Variants in CSMD1 observed in about 807,000 individuals in gnomAD.
CSMD1 encodes the protein CUB and Sushi multiple domains 1, also known as CUB and sushi domain-containing protein 1.
A neutral mutation model predicts 417.5 loss-of-function variants in CSMD1; 213 were observed. The observed-to-expected ratio is 0.51, with a 90% CI of 0.46 to 0.57. The LOEUF is 0.57. CSMD1 is among the 20% of genes least tolerant of loss of function. The pLI, the probability that CSMD1 is intolerant of heterozygous loss-of-function variation, is 0.00. For synonymous variants in CSMD1, 2,862 were observed against 1,736.8 expected (o/e 1.65, Z -16.11); for missense variants, 6,923 against 4,529.7 (o/e 1.53, Z -15.17).
intron 26 of CSMD1, among the ~76,000 whole-genome samples, chr8:3,255,572 C>T (rs1019478527): frequency 2.6e-5 from 4 of 152,198 alleles, no homozygotes; most frequent in Non-Finnish European, 4.4e-5. Context: ...CAATGGTGGA[C>T]GCCCCTCTCC....
At chr8:2,939,112 A>T (rs1021738038) in intron 69 of CSMD1, among the ~76,000 whole-genome samples, 4 of 152,154 alleles carry the variant, frequency 2.6e-5, no homozygotes, top group Non-Finnish European at 5.9e-5. Context: ...TCAAAGATTT[A>T]CTTATGCTTC....
At chr8:4,157,044 A>G (rs911256921) in intron 3 of CSMD1, among the ~76,000 whole-genome samples, 2 of 152,178 alleles carry the variant, frequency 1.3e-5, no homozygotes, top group Non-Finnish European at 2.9e-5. Context: ...TATGCACACA[A>G]GGAGCCTGTA....
At position 2,962,477 on chromosome 8, in the gene CSMD1, G is replaced by T; in HGVS notation, c.9617C>A (p.Pro3206His). ...QADGTWSGIQ[P>H]TCIDPAHNTC... is the part of the protein sequence containing the mutation. ...ATGATAATTATTACCAATGCAGGTGGGTTGTATGCCGCTCCACGTGCCGTC... is the reference window on the plus strand; with the variant it reads ...ATGATAATTATTACCAATGCAGGTGTGTTGTATGCCGCTCCACGTGCCGTC... The change falls in exon 61 of 70, where the codon CCC becomes CAC. Residue 3206 changes from proline to histidine, a missense_variant. Pro to His is a moderately conservative substitution (Grantham distance 77). Coordinates refer to ENST00000635120, the MANE Select transcript of CSMD1 (RefSeq NM_033225.6). The T allele has an allele frequency of 6.2e-7, 1 of 1,613,400 alleles. No homozygotes were observed. The highest frequency in any genetic ancestry group is 8.5e-7 in the Non-Finnish European group (1 of 1,179,480).
intron 1 of CSMD1, among the ~76,000 whole-genome samples, chr8:4,820,455 T>C (rs914076471): frequency 6.6e-6 from 1 of 152,134 alleles, no homozygotes. Context: ...TCTGCACTGG[T>C]TTTCCTGTCA....
At chr8:4,526,598 T>C (rs1018196447) in intron 2 of CSMD1, among the ~76,000 whole-genome samples, 8 of 152,260 alleles carry the variant, frequency 5.3e-5, no homozygotes, top group African/African-American at 1.7e-4. Flanking sequence ...ACACTGATCA[T>C]GTCTCTTTCA....
At chr8:3,289,884 G>C (rs1318425765) in intron 25 of CSMD1, among the ~76,000 whole-genome samples, 1 of 147,518 alleles carries the variant, frequency 6.8e-6, no homozygotes, top group Non-Finnish European at 1.5e-5. Context: ...TGGCATTTTA[G>C]ACATGAAGTC....
chr8:4,864,487 T>C (rs1318837552), intron 1 of CSMD1, among the ~76,000 whole-genome samples: 1 of 151,884 alleles, frequency 6.6e-6, no homozygotes, highest in African/African-American at 2.4e-5. Flanking sequence ...AGAAACCCTA[T>C]AACATTGTTT....
At chr8:3,104,819 T>G (rs1170666477) in intron 46 of CSMD1, among the ~76,000 whole-genome samples, 2 of 151,816 alleles carry the variant, frequency 1.3e-5, no homozygotes, top group African/African-American at 4.8e-5. Flanking sequence ...GCAATTCTCC[T>G]GACTCAGCCA....
intron 1 of CSMD1, among the ~76,000 whole-genome samples, chr8:4,746,704 G>T (rs921446968): frequency 1.3e-5 from 2 of 152,124 alleles, no homozygotes; most frequent in African/African-American, 4.8e-5. Context: ...ACTCTGAGCT[G>T]CTGGGGCTAA....
At chr8:4,235,073 G>C (rs553933714) in intron 3 of CSMD1, among the ~76,000 whole-genome samples, 50 of 152,260 alleles carry the variant, frequency 3.3e-4, no homozygotes, top group African/African-American at 1.1e-3. Context: ...ATCCATAGGA[G>C]TCCCTTTCCA....
At chr8:4,096,502 C>A (rs924116609) in intron 3 of CSMD1, among the ~76,000 whole-genome samples, 1 of 152,298 alleles carries the variant, frequency 6.6e-6, no homozygotes, top group South Asian at 2.1e-4. Context: ...AATTATGAGA[C>A]AGCCAATGAC....
intron 5 of CSMD1, among the ~76,000 whole-genome samples, chr8:3,910,539 G>C (rs17067922): frequency 1.7e-3 from 254 of 152,242 alleles, no homozygotes; most frequent in African/African-American, 5.7e-3. Context: ...GATTCAAATG[G>C]TGCCTTCAGA....
intron 5 of CSMD1, among the ~76,000 whole-genome samples, chr8:3,875,030 G>T (rs1405657105): frequency 2.0e-5 from 3 of 152,114 alleles, no homozygotes; most frequent in African/African-American, 7.2e-5. Flanking sequence ...AAGCACAAAG[G>T]CTGGCATGAG....
chr8:4,335,956 C>A (rs1465894681), intron 3 of CSMD1, among the ~76,000 whole-genome samples: 1 of 152,070 alleles, frequency 6.6e-6, no homozygotes, highest in Admixed American at 6.6e-5. Flanking sequence ...CACAGGGAGG[C>A]TCTCACAGAT....
At chr8:4,434,584 T>A (rs745809077) in intron 2 of CSMD1, among the ~76,000 whole-genome samples, 5 of 152,210 alleles carry the variant, frequency 3.3e-5, no homozygotes, top group Non-Finnish European at 7.3e-5. Context: ...GAAGTTCATG[T>A]TACAGTCAAT....
chr8:4,923,065 A>AG (rs1208408919), intron 1 of CSMD1, among the ~76,000 whole-genome samples: 2 of 152,204 alleles, frequency 1.3e-5, no homozygotes, highest in Non-Finnish European at 2.9e-5. Flanking sequence ...TTTCCAACTT[A>AG]GGGGAACAAT....
At chr8:3,617,829 T>C (rs1391856313) in intron 7 of CSMD1, among the ~76,000 whole-genome samples, 1 of 152,202 alleles carries the variant, frequency 6.6e-6, no homozygotes, top group East Asian at 1.9e-4. Context: ...GTAAATCCAA[T>C]GAATAGCTGA....
intron 3 of CSMD1, among the ~76,000 whole-genome samples, chr8:4,189,059 A>C (rs1052644170): frequency 3.3e-5 from 5 of 152,204 alleles, no homozygotes; most frequent in African/African-American, 1.2e-4. Flanking sequence ...TTGTTATAAG[A>C]GTGAAAGTTA....
At chr8:4,609,903 A>G (rs969271709) in intron 2 of CSMD1, among the ~76,000 whole-genome samples, 2 of 152,114 alleles carry the variant, frequency 1.3e-5, no homozygotes, top group Non-Finnish European at 1.5e-5. Context: ...AAAAAGAAGG[A>G]TCCCCTTTAC....
Sources: gnomAD v4.1 joint callset for allele counts (sites outside exome capture counted in the v4.1 genomes callset) on GRCh38, gnomAD v4.1.1 for gene constraint, MANE v1.5 for transcripts, NCBI Gene and HGNC (gene_info 2026-07-23, HGNC 2026-07-21) for gene names.